COL6A1: variants seen among roughly 807,000 people sequenced by gnomAD.
COL6A1 encodes collagen type VI alpha 1 chain, also known as collagen alpha-1(VI) chain.
A neutral mutation model predicts 145.6 loss-of-function variants in COL6A1; 80 were observed. That is an observed-to-expected ratio of 0.55 (90% CI 0.46 to 0.66). The LOEUF (loss-of-function observed/expected upper bound fraction) is 0.66, where lower values mean the gene tolerates loss of function less well. Among genes scored for constraint, COL6A1 ranks in the 30% least tolerant of loss-of-function variants. The pLI is 0.00. For missense variants in COL6A1, 1,364 were observed against 1,473.8 expected (o/e 0.93, Z 1.22); for synonymous variants, 638 against 622.8 (o/e 1.02, Z -0.36).
At chr21:45,991,734 C>A (rs2077778136) in intron 15 of COL6A1, among the ~76,000 whole-genome samples, 2 of 152,202 alleles carry the variant, frequency 1.3e-5, no homozygotes, top group African/African-American at 4.8e-5. Context: ...ATTTGCCAGC[C>A]TGGCAAAGCT....
At chr21:46,000,303 C>T in intron 27 of COL6A1, 28 bp from the exon 28 acceptor site, 1 of 1,613,750 alleles carries the variant, frequency 6.2e-7, no homozygotes, top group Non-Finnish European at 8.5e-7. Context: ...TGTCTATGGC[C>T]CCAGTACCCT....
chr21:45,999,542 C>A, intron 26 of COL6A1, 115 bp from the exon 27 acceptor site: 1 of 1,142,166 alleles, frequency 8.8e-7, no homozygotes, highest in Non-Finnish European at 1.3e-6. Flanking sequence ...TAGGGAGGGA[C>A]CGGGCAGGGG....
In COL6A1 at chr21:45,982,982, G is replaced by T. The variant is rs1382146763; in HGVS notation, c.227+219G>T. ...TCTGAGCCTCTCCCAGCGCCTTCCA[G>T]AGTGAGCTGGTTTGAGACCCTGCTC... On this transcript the variant is annotated intron_variant, in intron 2 of 34. Coordinates refer to ENST00000361866, the MANE Select transcript of COL6A1 (RefSeq NM_001848.3). Among the ~76,000 whole-genome samples the T allele has an allele frequency of 2.0e-5, 3 of 152,364 alleles. No homozygotes were observed. In the East Asian group the frequency reaches 5.8e-4, roughly 29 times the overall value.
At chr21:45,984,226 CA>C (rs2077724231) in intron 2 of COL6A1, 42 bp from the exon 3 acceptor site, 1 of 1,561,072 alleles carries the variant, frequency 6.4e-7, no homozygotes, top group African/African-American at 1.4e-5. Flanking sequence ...GCGATGGCGC[CA>C]GGGGCCGCCC....
chr21:45,983,238 G>A (rs1269855974), intron 2 of COL6A1, among the ~76,000 whole-genome samples: 1 of 152,202 alleles, frequency 6.6e-6, no homozygotes, highest in African/African-American at 2.4e-5. Context: ...CGACTCGGGA[G>A]CCAGGAGGGG....
chr21:45,989,230 A>G, intron 9 of COL6A1, 93 bp downstream of exon 9: 1 of 1,352,440 alleles, frequency 7.4e-7, no homozygotes, highest in Non-Finnish European at 1.0e-6. Context: ...CTGGGTTCTG[A>G]GTGCCAAAGT....
intron 3 of COL6A1, among the ~76,000 whole-genome samples, chr21:45,985,982 G>A (rs988967177): frequency 6.6e-6 from 1 of 152,204 alleles, no homozygotes; most frequent in Non-Finnish European, 1.5e-5. Flanking sequence ...TCGCCCTTCT[G>A]GCCGAGATGC....
rs901904991 is a variant in COL6A1, at chr21:45,989,002, G to A, written c.805-82G>A. 129 of 1,531,018 alleles carry A rather than the reference G, an allele frequency of 8.4e-5. 1 individual carries two copies. The highest frequency in any genetic ancestry group is 2.3e-4 in the African/African-American group (17 of 72,608). 94.8% of individuals were successfully genotyped at this position (1,531,018 alleles called of 1,614,324 possible). On this transcript the variant is annotated intron_variant, in intron 8 of 34. Coordinates refer to ENST00000361866, the MANE Select transcript of COL6A1 (RefSeq NM_001848.3). The stretch of plus-strand genomic sequence containing the variant: ...TTGATCCCTGAAGGCTGGATGAAGC[G>A]TCTTTTTAAAAACCTGTTTCGTGAG...
chr21:45,983,997 G>T (rs1224957213), intron 2 of COL6A1, among the ~76,000 whole-genome samples: 1 of 152,174 alleles, frequency 6.6e-6, no homozygotes, highest in African/African-American at 2.4e-5. Flanking sequence ...CTGCCCCACT[G>T]CAGGCCCAAG....
chr21:46,002,339 G>A lies in COL6A1; in HGVS notation c.2188G>A (p.Gly730Arg), dbSNP rs1297620940. Reference sequence around the variant, plus strand: ...CCGCATCGCCCTGGTCATCACTGACGGGCGCTCAGACACTCAGAGGGACAC... The same window carrying A: ...CCGCATCGCCCTGGTCATCACTGACAGGCGCTCAGACACTCAGAGGGACAC... Reference protein sequence around the residue: ...NNRIALVITDGRSDTQRDTTP... With the variant: ...NNRIALVITDRRSDTQRDTTP... Residue 730 changes from glycine to arginine, a missense_variant, in exon 32 of 35, where the codon GGG becomes AGG. Physicochemically the swap from Gly to Arg is moderately radical, Grantham distance 125 (BLOSUM62 -2). Transcript: ENST00000361866. 4 of 1,591,230 alleles carry A rather than the reference G, an allele frequency of 2.5e-6. No homozygotes were observed. Among genetic ancestry groups the A allele is most frequent in the African/African-American group, 1.3e-5 (1 of 74,532 alleles).
Position 45,987,157 on chromosome 21 carries a change from A to C in COL6A1, c.720A>C (p.Lys240Asn), listed in dbSNP as rs147612667. 1 of 1,599,240 alleles carries C rather than the reference A, an allele frequency of 6.3e-7. No individual in the cohort carries two copies. The highest frequency in any genetic ancestry group is 2.2e-5 in the East Asian group (1 of 44,614). ...TGCGTTTCCATTTCTCTTTCCAGAA[A>C]AATAACGTGGAGCAAGTGGTAAGAG... ...QTIDTIVDMI[K>N]NNVEQVCCSF... The change falls in exon 6 of 35, where the codon AAA becomes AAC. Residue 240 changes from lysine to asparagine, a missense_variant and splice_region_variant. This residue lies in a region of COL6A1 where 414 missense variants were observed against 437.6 expected (regional missense o/e 0.95). Transcript: ENST00000361866.
chr21:45,989,765 G>C lies in COL6A1; in HGVS notation c.917G>C (p.Ser306Thr). Residue 306 changes from serine to threonine, a missense_variant, in exon 11 of 35, where the codon AGC (serine) becomes ACC (threonine). Physicochemically the swap from Ser to Thr is moderately conservative, Grantham distance 58. This residue lies in a region of COL6A1 where 414 missense variants were observed against 437.6 expected (regional missense o/e 0.95). Coordinates refer to ENST00000361866, the MANE Select transcript of COL6A1 (RefSeq NM_001848.3). ...CTGGGTGTGTAGGGAGAAAAAGGGA[G>C]CCGTGGGGAGAAGGTGAGTGAGGCT... ...GYQGMKGEKG[S>T]RGEKGSRGPK... is the part of the protein sequence containing the mutation. 1 of 1,612,950 alleles carries C rather than the reference G, an allele frequency of 6.2e-7. No homozygotes were observed. Among genetic ancestry groups the C allele is most frequent in the Non-Finnish European group, 8.5e-7 (1 of 1,180,000 alleles).
intron 2 of COL6A1, 110 bp downstream of exon 2, chr21:45,982,873 C>A: frequency 2.0e-6 from 3 of 1,490,384 alleles, no homozygotes; most frequent in Non-Finnish European, 2.8e-6. Flanking sequence ...TAAGGTTGGG[C>A]GAGCGTTGCC....
chr21:45,985,533 C>T (rs531080064), intron 3 of COL6A1, among the ~76,000 whole-genome samples: 222 of 152,334 alleles, frequency 1.5e-3, no homozygotes, highest in Middle Eastern at 3.4e-3. Flanking sequence ...AGACCCGAAG[C>T]ATGCGCTTTC....
At position 45,987,072 on chromosome 21, in the gene COL6A1, C is replaced by T. The variant is rs775349013; in HGVS notation, c.717C>T (p.Ile239=). The change falls in exon 5 of 35, where the codon ATC becomes ATT. Residue 239 remains isoleucine (I), a splice_region_variant and synonymous_variant. Transcript: ENST00000361866. The part of the protein sequence containing the change: ...SQTIDTIVDM[I]KNNVEQVCCS... ...CCATCGACACCATCGTGGACATGATCGTGAGGCCCCTGCCCAGGAGACGGG... is the reference window on the plus strand; with the variant it reads ...CCATCGACACCATCGTGGACATGATTGTGAGGCCCCTGCCCAGGAGACGGG... The T allele has an allele frequency of 1.9e-5, 29 of 1,557,502 alleles. No individual in the cohort carries two copies. The highest frequency in any genetic ancestry group is 1.7e-4 in the Middle Eastern group (1 of 6,018).
intron 1 of COL6A1, among the ~76,000 whole-genome samples, chr21:45,982,281 G>C (rs1230018704): frequency 1.4e-5 from 2 of 139,896 alleles, no homozygotes; most frequent in Admixed American, 7.1e-5. Context: ...CAGACGCACG[G>C]CCCCCCCGAC....
rs770744511 is a variant in COL6A1 at position 45,984,407 on chromosome 21, C to T, written c.366C>T (p.Tyr122=). 6.2e-6 allele frequency: 10 copies of T among 1,612,528 alleles called. No homozygotes were observed. The highest frequency in any genetic ancestry group is 8.5e-6 in the Non-Finnish European group (10 of 1,179,968). Residue 122 remains tyrosine (Y), a synonymous_variant, in exon 3 of 35, where the codon TAC becomes TAT. Coordinates refer to ENST00000361866, the MANE Select transcript of COL6A1 (RefSeq NM_001848.3). ...ALKSSVDAVK[Y]FGKGTYTDCA... ...AAAGCAGCGTGGACGCGGTCAAGTACTTTGGGAAGGGCACCTACACCGACT... is the reference window on the plus strand; with the variant it reads ...AAAGCAGCGTGGACGCGGTCAAGTATTTTGGGAAGGGCACCTACACCGACT...
At chr21:45,993,227 C>T (rs1257460006) in intron 19 of COL6A1, among the ~76,000 whole-genome samples, 1 of 152,244 alleles carries the variant, frequency 6.6e-6, no homozygotes, top group Admixed American at 6.5e-5. Flanking sequence ...GCCGAGATGC[C>T]GGCGGCCTCA....
chr21:45,997,638 C>T, intron 21 of COL6A1, 62 bp from the exon 22 acceptor site: 1 of 1,556,468 alleles, frequency 6.4e-7, no homozygotes, highest in South Asian at 1.2e-5. Flanking sequence ...CAGGAGGGCC[C>T]TGCTTCCCTC....
Sources: allele counts gnomAD v4.1 joint callset (sites outside exome capture counted in the v4.1 genomes callset), GRCh38; gene constraint gnomAD v4.1.1; regional missense constraint gnomAD v4.1.1; transcripts MANE v1.5; gene names NCBI Gene and HGNC (gene_info 2026-07-23, HGNC 2026-07-21).